The following UNC13A variants were observed in gnomAD, a reference collection of about 807,000 sequenced individuals.
The protein encoded by UNC13A is protein unc-13 homolog A.
UNC13A carries 61 observed loss-of-function variants against 219.7 expected under a neutral mutation model. The observed-to-expected ratio is 0.28, with a 90% confidence interval of 0.23 to 0.34. The LOEUF is 0.34. UNC13A is among the 10% of genes least tolerant of loss of function. UNC13A has a pLI of 1.00. For synonymous variants in UNC13A, 920 were observed against 884.6 expected, an observed-to-expected ratio of 1.04 and a Z score of -0.71; for missense variants, 1,476 against 2,270.3, an observed-to-expected ratio of 0.65 and a Z score of 7.11.
At chr19:17,652,033 A>G (rs1187420065) in intron 12 of UNC13A, among the ~76,000 whole-genome samples, 1 of 152,202 alleles carries the variant, frequency 6.6e-6, no homozygotes, top group African/African-American at 2.4e-5. Context: ...GAATCAACGC[A>G]AAAATTTTGC....
chr19:17,641,698 AC>A, intron 20 of UNC13A, 142 bp from the exon 21 acceptor site: 3 of 786,174 alleles, frequency 3.8e-6, no homozygotes, highest in Non-Finnish European at 3.8e-6. Flanking sequence ...CCATCCACAC[AC>A]CCACCCATCT....
intron 43 of UNC13A, among the ~76,000 whole-genome samples, chr19:17,607,157 T>C (rs73922144): frequency 0.059 from 8,998 of 152,262 alleles, 316 homozygotes; most frequent in Middle Eastern, 0.11. Flanking sequence ...TGACACGACA[T>C]GGAACTGGCT....
intron 1 of UNC13A, among the ~76,000 whole-genome samples, chr19:17,680,896 T>TTC (rs2080001331): frequency 2.0e-5 from 2 of 101,224 alleles, no homozygotes; most frequent in South Asian, 3.8e-4. Flanking sequence ...TTTCTTTTTT[T>TTC]TTTTTTTTTT....
intron 6 of UNC13A, among the ~76,000 whole-genome samples, chr19:17,667,655 A>G (rs1369801591): frequency 6.6e-6 from 1 of 151,652 alleles, no homozygotes; most frequent in Non-Finnish European, 1.5e-5. Flanking sequence ...TTGTACTTTT[A>G]GTAGAGACGG....
chr19:17,666,994 C>G (rs10424848), intron 6 of UNC13A, among the ~76,000 whole-genome samples: 1 of 151,702 alleles, frequency 6.6e-6, no homozygotes, highest in South Asian at 2.1e-4. Context: ...TGACTCACAC[C>G]TGTAATCCCA....
intron 41 of UNC13A, among the ~76,000 whole-genome samples, chr19:17,615,095 T>C (rs2076648692): frequency 6.6e-6 from 1 of 152,152 alleles, no homozygotes; most frequent in Non-Finnish European, 1.5e-5. Flanking sequence ...CAGGGGAAGG[T>C]TCCTCGGACA....
intron 41 of UNC13A, chr19:17,613,702 CTTTTTTTTTTTTTTTTTT>C (rs1157023997): frequency 2.4e-5 from 3 of 124,248 alleles, no homozygotes; most frequent in African/African-American, 8.9e-5. Flanking sequence ...TCTTAAGTTT[CTTTTTTTTTTTTTTTTTT>C]TTTTCTTTTT....
intron 19 of UNC13A, among the ~76,000 whole-genome samples, chr19:17,645,108 A>C (rs1457115171): frequency 6.8e-6 from 1 of 147,562 alleles, no homozygotes; most frequent in Non-Finnish European, 1.5e-5. Context: ...TCCTGGGTTC[A>C]AGCGATTCTC....
In UNC13A at chr19:17,604,624, G is replaced by A. The variant is rs2076501597; in HGVS notation, c.*1430C>T. On this transcript the variant is annotated 3_prime_UTR_variant, in exon 44 of 44. Transcript: ENST00000519716. ...GTCCTTCCCAATCCAGCAGAAAAAGGCGTGCCATACACACATGTGGAAAAG... is the reference window on the plus strand; with the variant it reads ...GTCCTTCCCAATCCAGCAGAAAAAGACGTGCCATACACACATGTGGAAAAG... The A allele has an allele frequency of 6.6e-6, 1 of 152,288 alleles. No homozygotes were observed. The highest frequency in any genetic ancestry group is 1.5e-5 in the Non-Finnish European group (1 of 68,144). The allele number at this position is 152,288 out of a possible 1,614,324, so 9.4% of individuals were successfully genotyped here. A position where few individuals can be genotyped will look rare whatever the true frequency, so the allele number is the denominator to read the frequency against.
intron 9 of UNC13A, among the ~76,000 whole-genome samples, chr19:17,656,684 T>G (rs925690344): frequency 3.9e-5 from 6 of 152,010 alleles, no homozygotes; most frequent in Non-Finnish European, 8.8e-5. Flanking sequence ...AAACCCTGTC[T>G]CTACCAAAAA....
chr19:17,688,100 C>G, intron 1 of UNC13A, 78 bp downstream of exon 1: 1 of 1,496,012 alleles, frequency 6.7e-7, no homozygotes, highest in Non-Finnish European at 8.9e-7. Flanking sequence ...CAGGAACCCC[C>G]TGGGAGCCGC....
chr19:17,638,684 C>A (rs1453824292), intron 25 of UNC13A, among the ~76,000 whole-genome samples: 5 of 151,832 alleles, frequency 3.3e-5, no homozygotes, highest in African/African-American at 1.2e-4. Flanking sequence ...AAAAAATTAA[C>A]TAGGTGTGGT....
At position 17,650,968 on chromosome 19, in the gene UNC13A, C is replaced by T. The variant is rs549397657; in HGVS notation, c.1440-1381G>A. ...TTTTTTTTTTTTTGAGATGGAGTCT[C>T]GCTCTGTCGCCCAGGCTGGAATGCA... is the stretch of plus-strand genomic sequence containing the variant. On this transcript the variant is annotated intron_variant, in intron 12 of 43. Coordinates refer to ENST00000519716, the MANE Select transcript of UNC13A (RefSeq NM_001080421.3). Among the ~76,000 whole-genome samples, 192 of 146,348 alleles carry T rather than the reference C, an allele frequency of 1.3e-3. 1 individual carries two copies. Among genetic ancestry groups the T allele is most frequent in the African/African-American group, 4.4e-3 (175 of 39,748 alleles).
chr19:17,610,085 C>G lies in UNC13A; in HGVS notation c.4666G>C (p.Asp1556His). ...ATGCCAGAAGTCTGCCACTTGAGGT[C>G]ATTGGCAGCCACCACTGTTGGAGGA... ...KVTVKVVAAN[D>H]LKWQTSGIFR... Residue 1556 changes from aspartate to histidine, a missense_variant, in exon 43 of 44, where the codon GAC becomes CAC. This residue lies in a region of UNC13A where 77 missense variants were observed against 94.8 expected (regional missense o/e 0.81). Transcript: ENST00000519716. 2 of 1,614,056 alleles carry G rather than the reference C, an allele frequency of 1.2e-6. No individual in the cohort carries two copies. Among genetic ancestry groups the G allele is most frequent in the Non-Finnish European group, 1.7e-6 (2 of 1,179,896 alleles).
chr19:17,678,967 A>G (rs8111528), intron 1 of UNC13A, among the ~76,000 whole-genome samples: 74,376 of 151,894 alleles, frequency 0.49, 19,772 homozygotes, highest in African/African-American at 0.67. Context: ...ACACAAGGAG[A>G]CAGCGAGAGT....
rs149426348 is a variant in UNC13A, at chr19:17,658,199, C to T, written c.630G>A (p.Pro210=). Residue 210 remains proline, a synonymous_variant, in exon 9 of 44, where the codon CCG becomes CCA. Transcript: ENST00000519716. ...DYRSETSNSI[P]PPYYTTSQPN... is the part of the protein sequence containing the mutation. Reference sequence around the variant, plus strand: ...GTTGTGACGTAGTATAATAGGGCGGCGGGATGCTGTTGCTCGTTTCACTGC... The same window carrying T: ...GTTGTGACGTAGTATAATAGGGCGGTGGGATGCTGTTGCTCGTTTCACTGC... The T allele has an allele frequency of 2.9e-5, 46 of 1,613,830 alleles. No homozygotes were observed. In the African/African-American group the frequency reaches 3.5e-4, roughly 12 times the overall value.
At chr19:17,642,376 A>G (rs1253292236) in intron 20 of UNC13A, among the ~76,000 whole-genome samples, 1 of 152,126 alleles carries the variant, frequency 6.6e-6, no homozygotes, top group African/African-American at 2.4e-5. Context: ...CCACGAATCT[A>G]CCCACCAACT....
At chr19:17,673,691 T>TCAAAA (rs2079840215) in intron 3 of UNC13A, among the ~76,000 whole-genome samples, 1 of 147,586 alleles carries the variant, frequency 6.8e-6, no homozygotes, top group Non-Finnish European at 1.5e-5. Context: ...AGGCTCTGTC[T>TCAAAA]CAAAACAAAA....
chr19:17,607,966 G>A (rs1407647082), intron 43 of UNC13A, among the ~76,000 whole-genome samples: 1 of 146,552 alleles, frequency 6.8e-6, no homozygotes, highest in Non-Finnish European at 1.5e-5. Flanking sequence ...TGCAACCTGT[G>A]CCTCCTGGGT....
Sources: gnomAD v4.1 joint callset for allele counts (sites outside exome capture counted in the v4.1 genomes callset) on GRCh38, gnomAD v4.1.1 for gene constraint, gnomAD v4.1.1 regional missense constraint, MANE v1.5 for transcripts, NCBI Gene and HGNC (gene_info 2026-07-23, HGNC 2026-07-21) for gene names.